OPCML: variants seen among roughly 807,000 people sequenced by gnomAD.
OPCML encodes the protein opioid binding protein/cell adhesion molecule like.
A neutral mutation model predicts 37.8 loss-of-function variants in OPCML; 13 were observed. That is an observed-to-expected ratio of 0.34 (90% confidence interval 0.22 to 0.55). The LOEUF (loss-of-function observed/expected upper bound fraction) is 0.55, where lower values mean the gene tolerates loss of function less well. Among genes scored for constraint, OPCML ranks in the 20% least tolerant of loss-of-function variants. OPCML has a pLI of 0.91. For synonymous variants in OPCML, 176 were observed against 168.8 expected, an observed-to-expected ratio of 1.04 and a Z score of -0.33; for missense variants, 341 against 435.6, an observed-to-expected ratio of 0.78 and a Z score of 1.93.
intron 2 of OPCML, chr11:132,860,121 A>G (rs946213085): frequency 6.6e-6 from 1 of 152,252 alleles, no homozygotes; most frequent in African/African-American, 2.4e-5. Context: ...TCGTGTATGC[A>G]AAGCAGCTTA....
chr11:133,385,353 T>G (rs1945022514), intron 1 of OPCML, among the ~76,000 whole-genome samples: 1 of 152,166 alleles, frequency 6.6e-6, no homozygotes, highest in African/African-American at 2.4e-5. Context: ...AGATAGTAAG[T>G]GTTTGCTGTT....
At chr11:132,494,674 A>G (rs2096225816) in intron 4 of OPCML, among the ~76,000 whole-genome samples, 1 of 152,212 alleles carries the variant, frequency 6.6e-6, no homozygotes, top group South Asian at 2.1e-4. Flanking sequence ...TTTTTAATTT[A>G]AATCCACTGG....
At chr11:132,647,989 G>A (rs1318251762) in intron 3 of OPCML, among the ~76,000 whole-genome samples, 1 of 152,196 alleles carries the variant, frequency 6.6e-6, no homozygotes, top group Non-Finnish European at 1.5e-5. Flanking sequence ...CTTTCGTCAA[G>A]GCACTATGTT....
At chr11:132,941,942 G>T (rs1945592288) in intron 2 of OPCML, among the ~76,000 whole-genome samples, 1 of 152,158 alleles carries the variant, frequency 6.6e-6, no homozygotes, top group African/African-American at 2.4e-5. Context: ...TGTCCTAGGG[G>T]AAGCCAGGCA....
intron 1 of OPCML, among the ~76,000 whole-genome samples, chr11:133,242,554 G>C (rs368514420): frequency 1.9e-4 from 29 of 152,252 alleles, no homozygotes; most frequent in South Asian, 1.5e-3. Flanking sequence ...CTTTGTGCAG[G>C]TGCCTCCTGG....
At chr11:132,953,499 A>G (rs1945908854) in intron 1 of OPCML, among the ~76,000 whole-genome samples, 1 of 152,212 alleles carries the variant, frequency 6.6e-6, no homozygotes, top group Non-Finnish European at 1.5e-5. Context: ...ATACGATAAA[A>G]TCAGCCTCAT....
intron 3 of OPCML, among the ~76,000 whole-genome samples, chr11:132,534,476 G>A (rs78066150): frequency 0.013 from 1,948 of 152,228 alleles, 41 homozygotes; most frequent in African/African-American, 0.039. Context: ...TTACTCAAAC[G>A]ATTGTGTACT....
chr11:132,625,786 T>A (rs1347753960), intron 3 of OPCML, among the ~76,000 whole-genome samples: 1 of 152,114 alleles, frequency 6.6e-6, no homozygotes, highest in Admixed American at 6.6e-5. Flanking sequence ...TCAACAGGTA[T>A]ATGTGATGTG....
chr11:132,850,471 G>C (rs1433414985), intron 2 of OPCML, among the ~76,000 whole-genome samples: 1 of 151,960 alleles, frequency 6.6e-6, no homozygotes, highest in Non-Finnish European at 1.5e-5. Context: ...CAGGGTGTTG[G>C]AAGTTAAACA....
At chr11:132,842,776 A>T (rs898726815) in intron 2 of OPCML, among the ~76,000 whole-genome samples, 5 of 152,174 alleles carry the variant, frequency 3.3e-5, no homozygotes, top group Non-Finnish European at 5.9e-5. Flanking sequence ...GAGTGGACAC[A>T]CTTAAAGCTG....
At chr11:132,927,603 A>C (rs534252029) in intron 2 of OPCML, among the ~76,000 whole-genome samples, 62 of 152,260 alleles carry the variant, frequency 4.1e-4, no homozygotes, top group African/African-American at 1.3e-3. Context: ...GAAACAAAAG[A>C]AAGCTGGAAA....
chr11:132,745,897 G>C (rs902676759), intron 2 of OPCML, among the ~76,000 whole-genome samples: 2 of 152,146 alleles, frequency 1.3e-5, no homozygotes, highest in Non-Finnish European at 2.9e-5. Flanking sequence ...CTGCCTCCCA[G>C]CCTCTAAGAG....
intron 1 of OPCML, among the ~76,000 whole-genome samples, chr11:132,951,231 T>C (rs1418521122): frequency 6.6e-6 from 1 of 152,186 alleles, no homozygotes; most frequent in Non-Finnish European, 1.5e-5. Flanking sequence ...CAGCTCAGGC[T>C]GCCATAACAA....
intron 2 of OPCML, among the ~76,000 whole-genome samples, chr11:132,739,611 C>T (rs907983669): frequency 2.0e-5 from 3 of 152,024 alleles, no homozygotes; most frequent in Non-Finnish European, 4.4e-5. Flanking sequence ...CAGCTGATAG[C>T]CAGATGATCA....
At position 132,943,505 on chromosome 11, in the gene OPCML, A is replaced by G. The variant is rs1044358993; in HGVS notation, c.62-495T>C. The G allele has an allele frequency of 4.5e-5, 10 of 220,414 alleles. No homozygotes were observed. The highest frequency in any genetic ancestry group is 9.1e-5 in the Non-Finnish European group (10 of 109,346). The allele number at this position is 220,414 out of a possible 1,614,324, so 13.7% of individuals were successfully genotyped here. Reference sequence around the variant, plus strand: ...TCTGGCATCAAAAGTTTATAACCCAAAGAAGAAGGCAAGTGTCTCTGACAT... The same window carrying G: ...TCTGGCATCAAAAGTTTATAACCCAGAGAAGAAGGCAAGTGTCTCTGACAT... On this transcript the variant is annotated intron_variant, in intron 1 of 7. Transcript: ENST00000524381. The surrounding 1 kb of genome is among the most constrained non-coding windows in gnomAD (Gnocchi z 4.3).
intron 3 of OPCML, among the ~76,000 whole-genome samples, chr11:132,605,323 C>A (rs1176851421): frequency 6.6e-6 from 1 of 151,884 alleles, no homozygotes; most frequent in Non-Finnish European, 1.5e-5. Flanking sequence ...TTTGGGACGC[C>A]GAGGTGGGTG....
chr11:133,058,169 G>C (rs1470571511), intron 1 of OPCML, among the ~76,000 whole-genome samples: 3 of 152,324 alleles, frequency 2.0e-5, no homozygotes, highest in Admixed American at 2.0e-4. Context: ...ACAAATGTTT[G>C]AAAGTAGCAT....
intron 1 of OPCML, among the ~76,000 whole-genome samples, chr11:133,036,466 A>G (rs4375452): frequency 0.18 from 27,220 of 152,162 alleles, 2,689 homozygotes; most frequent in Admixed American, 0.31. Flanking sequence ...TTTCTTTTAC[A>G]TTGCTATTTC....
At chr11:133,083,352 C>A (rs1388560936) in intron 1 of OPCML, among the ~76,000 whole-genome samples, 5 of 152,248 alleles carry the variant, frequency 3.3e-5, no homozygotes, top group Admixed American at 3.3e-4. Context: ...TGCGTGTGTG[C>A]TCCCACTGCC....
Sources: gnomAD v4.1 joint callset for allele counts (sites outside exome capture counted in the v4.1 genomes callset) on GRCh38, gnomAD v4.1.1 for gene constraint, Gnocchi (gnomAD v3.1) non-coding constraint, MANE v1.5 for transcripts, NCBI Gene and HGNC (gene_info 2026-07-23, HGNC 2026-07-21) for gene names.